VAV3: variants seen among roughly 807,000 people sequenced by gnomAD.
VAV3 encodes vav guanine nucleotide exchange factor 3.
A neutral mutation model predicts 131.2 loss-of-function variants in VAV3; 94 were observed. That is an observed-to-expected ratio of 0.72 (90% confidence interval 0.61 to 0.85). The LOEUF is 0.85. Among genes scored for constraint, VAV3 ranks in the 40% least tolerant of loss-of-function variants. VAV3 has a pLI of 0.00. For synonymous variants in VAV3, 349 were observed against 342.0 expected (o/e 1.02, Z -0.22); for missense variants, 939 against 1,002.7 (o/e 0.94, Z 0.86).
intron 18 of VAV3, chr1:107,685,762 A>C (rs865793569): frequency 6.6e-6 from 1 of 152,084 alleles, no homozygotes; most frequent in African/African-American, 2.4e-5. Flanking sequence ...TCAGCAGATC[A>C]TATTTTGAAC....
intron 2 of VAV3, among the ~76,000 whole-genome samples, chr1:107,824,216 G>A (rs1667915397): frequency 6.6e-6 from 1 of 152,140 alleles, no homozygotes; most frequent in Non-Finnish European, 1.5e-5. Flanking sequence ...ATGCCAGATT[G>A]GAATAGACTG....
chr1:107,756,705 C>A (rs1227472065), intron 11 of VAV3, among the ~76,000 whole-genome samples: 1 of 151,898 alleles, frequency 6.6e-6, no homozygotes, highest in Non-Finnish European at 1.5e-5. Flanking sequence ...AAATGTCTGT[C>A]TTTTCTATTC....
chr1:107,618,586 T>A (rs4372289), intron 20 of VAV3, among the ~76,000 whole-genome samples: 33,725 of 152,184 alleles, frequency 0.22, 4,771 homozygotes, highest in Middle Eastern at 0.33. Flanking sequence ...CCTTAATATG[T>A]GCTAGACACT....
intron 17 of VAV3, among the ~76,000 whole-genome samples, chr1:107,695,955 A>C (rs780402346): frequency 6.6e-6 from 1 of 152,136 alleles, no homozygotes; most frequent in Non-Finnish European, 1.5e-5. Context: ...CCATTTGACT[A>C]TCCCTTTCTA....
At chr1:107,592,145 C>A (rs1651017939) in intron 25 of VAV3, among the ~76,000 whole-genome samples, 1 of 152,044 alleles carries the variant, frequency 6.6e-6, no homozygotes, top group African/African-American at 2.4e-5. Flanking sequence ...GTTGTCACAT[C>A]TCTTGGTCTC....
Position 107,705,027 on chromosome 1 carries a change from A to C in VAV3, c.1537T>G (p.Phe513Val). The stretch of plus-strand genomic sequence containing the variant: ...AAGGTATGCATCTTGAAGTCGTGGA[A>C]ATTGGAGTCTGCATAGTCTGGTCTT... ...NIRPDYADSN[F>V]HDFKMHTFTR... Residue 513 changes from phenylalanine to valine, a missense_variant, in exon 16 of 27, where the codon TTC becomes GTC. Phe to Val is a conservative substitution (Grantham distance 50, BLOSUM62 -1). Coordinates refer to ENST00000370056, the MANE Select transcript of VAV3 (RefSeq NM_006113.5). 1 of 1,613,854 alleles carries C rather than the reference A, an allele frequency of 6.2e-7. No homozygotes were observed. The highest frequency in any genetic ancestry group is 2.2e-5 in the East Asian group (1 of 44,856).
Position 107,749,531 on chromosome 1 carries a change from C to T in VAV3, c.1323G>A (p.Met441Ile). 2 of 1,612,024 alleles carry T rather than the reference C, an allele frequency of 1.2e-6. No homozygotes were observed. Among genetic ancestry groups the T allele is most frequent in the Non-Finnish European group, 1.7e-6 (2 of 1,179,326 alleles). ...VCKRKGDNYE[M>I]KEIIDLQQYK... is the part of the protein sequence containing the mutation. ...ACTGCTGAAGATCTATTATTTCCTT[C>T]ATTTCATAGTTATCACCTTTTCTCT... Residue 441 changes from methionine to isoleucine, a missense_variant, in exon 14 of 27, where the codon ATG (methionine) becomes ATA (isoleucine). Met to Ile is a conservative substitution (Grantham distance 10). Coordinates refer to ENST00000370056, the MANE Select transcript of VAV3 (RefSeq NM_006113.5).
intron 21 of VAV3, among the ~76,000 whole-genome samples, chr1:107,612,506 C>T (rs763120353): frequency 1.2e-4 from 18 of 151,918 alleles, no homozygotes; most frequent in Non-Finnish European, 2.2e-4. Flanking sequence ...CCTTTGTGTC[C>T]TTGAGCACCA....
chr1:107,609,260 C>A (rs764138613), intron 22 of VAV3, among the ~76,000 whole-genome samples: 3 of 152,084 alleles, frequency 2.0e-5, no homozygotes, highest in African/African-American at 7.2e-5. Context: ...TTGGAGATAT[C>A]TAGAAAATAA....
intron 2 of VAV3, among the ~76,000 whole-genome samples, chr1:107,872,976 A>G (rs1226272887): frequency 6.6e-6 from 1 of 152,182 alleles, no homozygotes; most frequent in Admixed American, 6.5e-5. Flanking sequence ...GCTATATCAC[A>G]AATTCTTTAA....
At chr1:107,681,935 C>T (rs1658659883) in intron 19 of VAV3, among the ~76,000 whole-genome samples, 1 of 152,180 alleles carries the variant, frequency 6.6e-6, no homozygotes, top group Admixed American at 6.5e-5. Context: ...GCTGGGATTA[C>T]AGGCGTGAGC....
At chr1:107,736,858 A>C (rs529955254) in intron 15 of VAV3, among the ~76,000 whole-genome samples, 2 of 152,350 alleles carry the variant, frequency 1.3e-5, no homozygotes, top group South Asian at 4.2e-4. Context: ...AAACTACTTT[A>C]AAGTTCATAT....
At chr1:107,788,225 C>T (rs1377809780) in intron 2 of VAV3, among the ~76,000 whole-genome samples, 2 of 152,048 alleles carry the variant, frequency 1.3e-5, no homozygotes, top group Non-Finnish European at 2.9e-5. Flanking sequence ...CATTTCAAAA[C>T]TATTAATGTG....
chr1:107,722,840 C>CTCTCTTTTTTT (rs371987024), intron 15 of VAV3, among the ~76,000 whole-genome samples: 3 of 129,812 alleles, frequency 2.3e-5, no homozygotes, highest in African/African-American at 2.9e-5. Context: ...ATTATCCTCT[C>CTCTCTTTTTTT]TTTTTTTTTT....
intron 2 of VAV3, among the ~76,000 whole-genome samples, chr1:107,844,746 C>G (rs1668887616): frequency 6.6e-6 from 1 of 152,200 alleles, no homozygotes; most frequent in South Asian, 2.1e-4. Flanking sequence ...ACCACACTTC[C>G]TCTCTAGATT....
chr1:107,954,972 G>T (rs1674737810), intron 1 of VAV3, among the ~76,000 whole-genome samples: 2 of 152,198 alleles, frequency 1.3e-5, no homozygotes, highest in Admixed American at 1.3e-4. Flanking sequence ...CTGCCTCACG[G>T]TGTTGGACAA....
intron 18 of VAV3, 129 bp from the exon 19 acceptor site, chr1:107,683,662 AT>A (rs1353441636): frequency 1.1e-6 from 1 of 894,064 alleles, no homozygotes; most frequent in Non-Finnish European, 1.8e-6. Context: ...GTATGACTAA[AT>A]TTGATCAGAA....
rs568930693 is a variant in VAV3, at chr1:107,866,927, GAA to G, written c.321+7972_321+7973del. ...TACCAAAATAGAAATGTCTCCAAAG[GAA>G]AAAAAAAAGTACTTCAGTTTTATAC... On this transcript the variant is annotated intron_variant, in intron 2 of 26. Transcript: ENST00000370056. Among the ~76,000 whole-genome samples the G allele has an allele frequency of 4.9e-5, 7 of 143,830 alleles. No homozygotes were observed. The East Asian group carries it at 1.4e-3, about 29-fold the overall frequency. 94.4% of individuals were successfully genotyped at this position (143,830 alleles called of 152,430 possible).
chr1:107,892,847 A>G (rs1042325827), intron 1 of VAV3, among the ~76,000 whole-genome samples: 1 of 152,248 alleles, frequency 6.6e-6, no homozygotes, highest in Non-Finnish European at 1.5e-5. Context: ...GATTTCCCCC[A>G]TCCCTATAAC....
Sources: allele counts gnomAD v4.1 joint callset (sites outside exome capture counted in the v4.1 genomes callset), GRCh38; gene constraint gnomAD v4.1.1; transcripts MANE v1.5; gene names NCBI Gene and HGNC (gene_info 2026-07-23, HGNC 2026-07-21).